QRICH1: variants seen among roughly 807,000 people sequenced by gnomAD.
The protein encoded by QRICH1 is transcriptional regulator QRICH1.
QRICH1 carries 16 observed loss-of-function variants against 87.1 expected under a neutral mutation model. That is an observed-to-expected ratio of 0.18 (90% CI 0.12 to 0.28). The LOEUF is 0.28. Ranked by LOEUF, QRICH1 falls within the 10% of genes least tolerant of loss-of-function variation. The pLI, the probability that QRICH1 is intolerant of heterozygous loss-of-function variation, is 1.00. For missense variants in QRICH1, 647 were observed against 951.7 expected (o/e 0.68, Z 4.21); for synonymous variants, 367 against 368.4 (o/e 1.00, Z 0.05).
At chr3:49,090,684 C>T (rs1193739514) in intron 1 of QRICH1, among the ~76,000 whole-genome samples, 1 of 151,354 alleles carries the variant, frequency 6.6e-6, no homozygotes, top group Non-Finnish European at 1.5e-5. Context: ...CCTTCTGACA[C>T]AGCCACCATT....
intron 6 of QRICH1, among the ~76,000 whole-genome samples, chr3:49,035,764 G>C (rs2093271050): frequency 6.6e-6 from 1 of 152,092 alleles, no homozygotes; most frequent in African/African-American, 2.4e-5. Flanking sequence ...CTCCAGCCTG[G>C]GAGACAAAGC....
intron 5 of QRICH1, 91 bp from the exon 6 acceptor site, chr3:49,044,595 T>C: frequency 1.1e-6 from 1 of 910,666 alleles, no homozygotes; most frequent in Non-Finnish European, 1.7e-6. Context: ...AGTACTACTA[T>C]CCTTCCCTAC....
chr3:49,083,297 T>C (rs1313628134), intron 1 of QRICH1: 2 of 151,548 alleles, frequency 1.3e-5, no homozygotes, highest in African/African-American at 2.4e-5. Flanking sequence ...GAGGATTGCT[T>C]GAGTAGTCCA....
At chr3:49,032,856 A>G (rs2093250381) in intron 7 of QRICH1, 83 bp from the exon 8 acceptor site, 3 of 1,465,080 alleles carry the variant, frequency 2.0e-6, no homozygotes, top group Non-Finnish European at 2.8e-6. Context: ...GGTGCTTCAG[A>G]GGAGCCACTG....
chr3:49,072,517 C>T (rs2041860164), intron 2 of QRICH1, among the ~76,000 whole-genome samples: 1 of 150,988 alleles, frequency 6.6e-6, no homozygotes. Flanking sequence ...CAGAATGAGA[C>T]CCTGTCTCCA....
At position 49,043,223 on chromosome 3, in the gene QRICH1, G is replaced by A. The variant is rs550292942; in HGVS notation, c.1786+1167C>T. Among the ~76,000 whole-genome samples the A allele has an allele frequency of 3.3e-5, 5 of 152,062 alleles. No individual in the cohort carries two copies. In the East Asian group the frequency reaches 5.8e-4, roughly 18 times the overall value. ...AAAACATAAAGTCTATTGGCTGGCC[G>A]TGGTGGCTCATGCCTGTAATCCCAG... On this transcript the variant is annotated intron_variant, in intron 6 of 9. Transcript: ENST00000395443.
chr3:49,063,604 C>T (rs992078832), intron 2 of QRICH1, among the ~76,000 whole-genome samples: 2 of 152,138 alleles, frequency 1.3e-5, no homozygotes, highest in South Asian at 4.1e-4. Context: ...ACCTGGGCAA[C>T]ATAGTGACAC....
At chr3:49,041,868 T>C (rs2093312268) in intron 6 of QRICH1, among the ~76,000 whole-genome samples, 1 of 151,972 alleles carries the variant, frequency 6.6e-6, no homozygotes, top group Non-Finnish European at 1.5e-5. Flanking sequence ...GATATCATGA[T>C]CTACCTGCCT....
At chr3:49,067,753 G>A (rs1331515632) in intron 2 of QRICH1, among the ~76,000 whole-genome samples, 1 of 152,076 alleles carries the variant, frequency 6.6e-6, no homozygotes, top group Non-Finnish European at 1.5e-5. Context: ...GGCCAAGGCA[G>A]GCGGATCACG....
chr3:49,052,649 C>T (rs940401169), intron 3 of QRICH1, among the ~76,000 whole-genome samples: 1 of 152,184 alleles, frequency 6.6e-6, no homozygotes, highest in African/African-American at 2.4e-5. Flanking sequence ...GCGCCCACCA[C>T]CATGCCCAGC....
chr3:49,076,378 G>A (rs1464295786), intron 2 of QRICH1, among the ~76,000 whole-genome samples: 1 of 152,062 alleles, frequency 6.6e-6, no homozygotes, highest in Non-Finnish European at 1.5e-5. Flanking sequence ...GAAAGGTGGC[G>A]CCCCCTCACT....
Position 49,076,984 on chromosome 3 carries a change from C to G in QRICH1, c.34G>C (p.Glu12Gln). 1 of 1,536,476 alleles carries G rather than the reference C, an allele frequency of 6.5e-7. No homozygotes were observed. The highest frequency in any genetic ancestry group is 8.8e-7 in the Non-Finnish European group (1 of 1,133,364). The change falls in exon 2 of 10, where the codon GAA becomes CAA. Residue 12 changes from glutamate (E) to glutamine (Q), a missense_variant. Glu to Gln is a conservative substitution (Grantham distance 29, BLOSUM62 2). Coordinates refer to ENST00000395443, the MANE Select transcript of QRICH1 (RefSeq NM_198880.3). Reference protein sequence around the residue: ...NNSLENTISFEEYIRVKARSV... With the variant: ...NNSLENTISFQEYIRVKARSV... ...CGTGCCTTTACTCGGATGTACTCTT[C>G]AAAGGAGATGGTGTTCTCTAGGGAA...
At chr3:49,053,997 T>C (rs951012995) in intron 3 of QRICH1, among the ~76,000 whole-genome samples, 1 of 152,168 alleles carries the variant, frequency 6.6e-6, no homozygotes, top group Non-Finnish European at 1.5e-5. Context: ...GTGGTATATA[T>C]AGACAAACTC....
intron 3 of QRICH1, among the ~76,000 whole-genome samples, chr3:49,054,569 T>C (rs1235647726): frequency 1.3e-5 from 2 of 151,866 alleles, no homozygotes; most frequent in Admixed American, 1.3e-4. Context: ...TCTGTATTTA[T>C]GCTGTTCCAT....
intron 5 of QRICH1, 55 bp downstream of exon 5, chr3:49,046,370 A>C: frequency 6.5e-7 from 1 of 1,527,438 alleles, no homozygotes; most frequent in Non-Finnish European, 8.8e-7. Context: ...CTAAACTAGC[A>C]AACATCCAAT....
At chr3:49,081,657 C>T (rs1428915321) in intron 1 of QRICH1, among the ~76,000 whole-genome samples, 1 of 152,130 alleles carries the variant, frequency 6.6e-6, no homozygotes, top group Non-Finnish European at 1.5e-5. Flanking sequence ...TGTACCATCA[C>T]GCCCAGCTAA....
At chr3:49,031,040 GCA>G in intron 9 of QRICH1, among the ~76,000 whole-genome samples, 1 of 147,354 alleles carries the variant, frequency 6.8e-6, no homozygotes, top group African/African-American at 2.5e-5. Context: ...AGGCTGGAGT[GCA>G]GTGAGGTGAT....
chr3:49,049,317 T>C (rs763011276), intron 3 of QRICH1, among the ~76,000 whole-genome samples: 1 of 151,714 alleles, frequency 6.6e-6, no homozygotes, highest in Non-Finnish European at 1.5e-5. Flanking sequence ...TAGTGGCTCA[T>C]GCCTGTAATC....
At chr3:49,050,192 T>G (rs1458399477) in intron 3 of QRICH1, among the ~76,000 whole-genome samples, 1 of 138,396 alleles carries the variant, frequency 7.2e-6, no homozygotes, top group Non-Finnish European at 1.5e-5. Flanking sequence ...GAGCTTGCAG[T>G]GAGCCAAGAT....
Sources: gnomAD v4.1 joint callset for allele counts (sites outside exome capture counted in the v4.1 genomes callset) on GRCh38, gnomAD v4.1.1 for gene constraint, MANE v1.5 for transcripts, NCBI Gene and HGNC (gene_info 2026-07-23, HGNC 2026-07-21) for gene names.